The following POLRMT variants were observed in gnomAD, a reference collection of about 807,000 sequenced individuals.
POLRMT encodes the protein DNA-directed RNA polymerase, mitochondrial.
In POLRMT, 114 loss-of-function variants were observed where a neutral mutation model predicts 132.2. That is an observed-to-expected ratio of 0.86 (90% CI 0.74 to 1.01). The LOEUF (loss-of-function observed/expected upper bound fraction) is 1.01, where lower values mean the gene tolerates loss of function less well. POLRMT is among the 50% of genes least tolerant of loss of function. POLRMT has a pLI of 0.00. For missense variants in POLRMT, 2,003 were observed against 1,729.1 expected (o/e 1.16, Z -2.81); for synonymous variants, 1,020 against 773.4 (o/e 1.32, Z -5.29).
In POLRMT at chr19:630,079, C is replaced by T. The variant is rs1279182643; in HGVS notation, c.283G>A (p.Gly95Ser). ...RVDVARLPECGSGDGSLQPPR... is the reference protein window; with the variant it reads ...RVDVARLPECSSGDGSLQPPR... ...GGCTGGAGGCTACCATCTCCACTGC[C>T]ACATTCTGGGAGCCGCGCCACATCC... The change falls in exon 3 of 21, where the codon GGC (glycine) becomes AGC (serine). Residue 95 changes from glycine (G) to serine (S), a missense_variant. By Grantham distance (56) the Gly-to-Ser change is moderately conservative. Coordinates refer to ENST00000588649, the MANE Select transcript of POLRMT (RefSeq NM_005035.4). 1.2e-6 allele frequency: 2 copies of T among 1,613,844 alleles called. No individual in the cohort carries two copies. Among genetic ancestry groups the T allele is most frequent in the Non-Finnish European group, 1.7e-6 (2 of 1,179,990 alleles).
Position 622,824 on chromosome 19 carries a change from C to A in POLRMT, c.1452G>T (p.Leu484=). The change falls in exon 7 of 21, where the codon CTG becomes CTT. Residue 484 remains leucine (L), a synonymous_variant. Transcript: ENST00000588649. The part of the protein sequence containing the change: ...LDEREVVRML[L]QVLQALPAQG... ...GGCCGCGCGGAGGAAGACGCACCTG[C>A]AGGAGCATCCGCACCACCTCGCGCT... is the stretch of plus-strand genomic sequence containing the variant. 1 of 1,591,862 alleles carries A rather than the reference C, an allele frequency of 6.3e-7. No homozygotes were observed. Among genetic ancestry groups the A allele is most frequent in the Non-Finnish European group, 8.5e-7 (1 of 1,170,254 alleles).
At chr19:618,839 G>T in intron 15 of POLRMT, 79 bp from the exon 16 acceptor site, 1 of 1,479,770 alleles carries the variant, frequency 6.8e-7, no homozygotes. Context: ...GTACACTGGG[G>T]TAGTGGCACG....
chr19:625,526 G>C, intron 3 of POLRMT: 2 of 409,758 alleles, frequency 4.9e-6, no homozygotes, highest in Non-Finnish European at 8.7e-6. Context: ...TTTGTCAATT[G>C]TGTGGATCTT....
chr19:633,077 G>A, intron 1 of POLRMT, 139 bp from the exon 2 acceptor site: 1 of 695,538 alleles, frequency 1.4e-6, no homozygotes, highest in South Asian at 2.2e-5. Context: ...AAGTTGGAAA[G>A]AAACTAAGAC....
intron 3 of POLRMT, 34 bp from the exon 4 acceptor site, chr19:625,288 G>T (rs759919850): frequency 6.2e-7 from 1 of 1,611,162 alleles, no homozygotes; most frequent in Non-Finnish European, 8.5e-7. Flanking sequence ...GGTCTGGGGG[G>T]ATGGCCCAAC....
At position 619,086 on chromosome 19, in the gene POLRMT, G is replaced by T. The variant is rs1212677402; in HGVS notation, c.3178C>A (p.Leu1060Ile). Residue 1060 changes from leucine to isoleucine, a missense_variant, in exon 15 of 21, where the codon CTC becomes ATC. By Grantham distance (5) the Leu-to-Ile change is conservative (BLOSUM62 2). Coordinates refer to ENST00000588649, the MANE Select transcript of POLRMT (RefSeq NM_005035.4). ...ACCACAGAGCCCATGTGGGAGATGA[G>T]GCGGGCACTCTCGGTCAGCCAGTGC... Reference protein sequence around the residue: ...IQHWLTESARLISHMGSVVEW... With the variant: ...IQHWLTESARIISHMGSVVEW... The T allele has an allele frequency of 5.0e-6, 8 of 1,611,092 alleles. No individual in the cohort carries two copies. The highest frequency in any genetic ancestry group is 6.8e-6 in the Non-Finnish European group (8 of 1,179,210).
At chr19:621,965 C>T in intron 9 of POLRMT, 119 bp from the exon 10 acceptor site, 2 of 1,311,146 alleles carry the variant, frequency 1.5e-6, no homozygotes, top group Admixed American at 2.5e-5. Context: ...TGTGGCCTCC[C>T]ACGAACAGAA....
At position 621,112 on chromosome 19, in the gene POLRMT, G is replaced by A. The variant is rs768054966; in HGVS notation, c.2586C>T (p.Ala862=). The change falls in exon 10 of 21, where the codon GCC becomes GCT. Residue 862 remains alanine (A), a synonymous_variant. Transcript: ENST00000588649. ...KKREPLRKRL[A]FAEEVMDDIL... is the part of the protein sequence containing the mutation. ...TGTCATCCATCACCTCCTCCGCAAA[G>A]GCCAGGCGCTTCCGCAGCGGCTCCC... is the stretch of plus-strand genomic sequence containing the variant. 3.1e-6 allele frequency: 5 copies of A among 1,610,534 alleles called. No individual in the cohort carries two copies. Among genetic ancestry groups the A allele is most frequent in the East Asian group, 2.2e-5 (1 of 44,736 alleles).
At chr19:618,311 G>C (rs1009803594) in intron 17 of POLRMT, 177 bp downstream of exon 17, 29 of 593,818 alleles carry the variant, frequency 4.9e-5, no homozygotes, top group Middle Eastern at 4.5e-4. Flanking sequence ...GAGCTGCCAG[G>C]ACCACCTACA....
In POLRMT at chr19:621,156, G is replaced by A. The variant is rs1178406345; in HGVS notation, c.2542C>T (p.Leu848Phe). 9.9e-6 allele frequency: 16 copies of A among 1,611,016 alleles called. No homozygotes were observed. The highest frequency in any genetic ancestry group is 1.3e-5 in the Non-Finnish European group (15 of 1,178,732). Reference sequence around the variant, plus strand: ...GGCTCCCGCTTCTTCAACCCCGTGAGATTGACCAGGTGGATCTTGAGCCAA... The same window carrying A: ...GGCTCCCGCTTCTTCAACCCCGTGAAATTGACCAGGTGGATCTTGAGCCAA... ...LDWLKIHLVNLTGLKKREPLR... is the reference protein window; with the variant it reads ...LDWLKIHLVNFTGLKKREPLR... The change falls in exon 10 of 21, where the codon CTC becomes TTC. Residue 848 changes from leucine to phenylalanine, a missense_variant. Coordinates refer to ENST00000588649, the MANE Select transcript of POLRMT (RefSeq NM_005035.4).
In POLRMT at chr19:624,773, C is replaced by T. The variant is rs147977865; in HGVS notation, c.1086G>A (p.Pro362=). The T allele has an allele frequency of 2.2e-4, 356 of 1,613,618 alleles. No homozygotes were observed. Among genetic ancestry groups the T allele is most frequent in the Non-Finnish European group, 2.8e-4 (334 of 1,180,006 alleles). ...HKVKPTFSLP[P]QLPPPVNTSK... is the part of the protein sequence containing the mutation. ...AGGTGTTGACCGGGGGCGGCAGCTG[C>T]GGCGGGAGGCTGAAGGTGGGCTTCA... The change falls in exon 5 of 21, where the codon CCG becomes CCA. Residue 362 remains proline, a synonymous_variant. Coordinates refer to ENST00000588649, the MANE Select transcript of POLRMT (RefSeq NM_005035.4).
In POLRMT at chr19:629,524, T is replaced by G. The variant is rs1257484903; in HGVS notation, c.822+16A>C. On this transcript the variant is annotated intron_variant, in intron 3 of 20. Coordinates refer to ENST00000588649, the MANE Select transcript of POLRMT (RefSeq NM_005035.4). ...CAACGACCAGGGCAGGTGGCCCGGC[T>G]CCCGGCTGCACTCACCTGCCGCGCC... 2 of 1,496,014 alleles carry G rather than the reference T, an allele frequency of 1.3e-6. No individual in the cohort carries two copies. Among genetic ancestry groups the G allele is most frequent in the Non-Finnish European group, 1.8e-6 (2 of 1,124,482 alleles). 92.7% of individuals were successfully genotyped at this position (1,496,014 alleles called of 1,614,324 possible).
intron 17 of POLRMT, chr19:618,250 C>T (rs959079458): frequency 1.8e-6 from 1 of 558,670 alleles, no homozygotes; most frequent in Non-Finnish European, 3.2e-6. Context: ...AAATGCCCAG[C>T]AGGAAGGGGC....
In POLRMT at chr19:617,294, A is replaced by C; in HGVS notation, c.3673T>G (p.Ser1225Ala). 6.2e-7 allele frequency: 1 copy of C among 1,612,868 alleles called. No homozygotes were observed. Among genetic ancestry groups the C allele is most frequent in the Middle Eastern group, 1.7e-4 (1 of 6,030 alleles). Residue 1225 changes from serine to alanine, a missense_variant, in exon 21 of 21, where the codon TCC becomes GCC. Transcript: ENST00000588649. ...GGGTGTCAGCTGAAGAAGTAGGTGGAACGCTTCACCTGCTCCAGGTCGAAG... is the reference window on the plus strand; with the variant it reads ...GGGTGTCAGCTGAAGAAGTAGGTGGCACGCTTCACCTGCTCCAGGTCGAAG... ...GAFDLEQVKR[S>A]TYFFS
chr19:620,215 C>T, intron 11 of POLRMT, 135 bp from the exon 12 acceptor site: 2 of 1,459,594 alleles, frequency 1.4e-6, no homozygotes, highest in Non-Finnish European at 9.1e-7. Context: ...CCCGCACGCT[C>T]CCGGGAGAGA....
rs369814235 is a variant in POLRMT at position 619,203 on chromosome 19, G to C, written c.3153+7C>G. ...TCCTGGCCGAGCGGGGACAGGACAG[G>C]ACGTACCTGGATGGCCCGGGTCCCC... is the stretch of plus-strand genomic sequence containing the variant. On this transcript the variant is annotated splice_region_variant and intron_variant, in intron 14 of 20. Coordinates refer to ENST00000588649, the MANE Select transcript of POLRMT (RefSeq NM_005035.4). The C allele has an allele frequency of 1.9e-6, 3 of 1,611,428 alleles. No individual in the cohort carries two copies. The African/African-American group carries it at 4.0e-5, about 22-fold the overall frequency.
rs201666913 is a variant in POLRMT, at chr19:617,503, GTGAGGC to G, written c.3582-29_3582-24del. The G allele has an allele frequency of 5.8e-4, 939 of 1,605,858 alleles. 6 individuals carry two copies. In the African/African-American group the frequency reaches 9.9e-3, roughly 17 times the overall value. On this transcript the variant is annotated intron_variant, in intron 19 of 20. Coordinates refer to ENST00000588649, the MANE Select transcript of POLRMT (RefSeq NM_005035.4). ...GGCCTGGGGTTGGAAGCAGGGTGGGGTGAGGCTGAGGCCAGGTTTTGGGGTGGGGGG... is the reference window on the plus strand; with the variant it reads ...GGCCTGGGGTTGGAAGCAGGGTGGGGTGAGGCCAGGTTTTGGGGTGGGGGG...
At chr19:621,020 T>C (rs111437074) in intron 10 of POLRMT, 38 bp downstream of exon 10, 273,972 of 774,860 alleles carry the variant, frequency 0.35, 56,077 homozygotes, top group African/African-American at 0.69. Context: ...GGCGCGGGGG[T>C]GCCGGGAGGG....
chr19:625,530 G>C, intron 3 of POLRMT: 1 of 399,552 alleles, frequency 2.5e-6, no homozygotes, highest in East Asian at 4.5e-5. Context: ...TCAATTGTGT[G>C]GATCTTTTCA....
Sources: allele counts gnomAD v4.1 joint callset, GRCh38; gene constraint gnomAD v4.1.1; transcripts MANE v1.5; gene names NCBI Gene and HGNC (gene_info 2026-07-23, HGNC 2026-07-21).